The following DMD variants were observed in gnomAD, a reference collection of about 807,000 sequenced individuals.
DMD encodes the protein dystrophin, also known as mutant dystrophin.
Under a neutral mutation model 330.1 loss-of-function variants are expected in DMD, and 63 were observed. That is an observed-to-expected ratio of 0.19 (90% CI 0.16 to 0.24). The LOEUF (loss-of-function observed/expected upper bound fraction) is 0.24, where lower values mean the gene tolerates loss of function less well. Among genes scored for constraint, DMD ranks in the 10% least tolerant of loss-of-function variants. DMD has a pLI of 1.00. For missense variants in DMD, 3,344 were observed against 2,684.1 expected, an observed-to-expected ratio of 1.25 and a Z score of -5.43; for synonymous variants, 1,223 against 959.8, an observed-to-expected ratio of 1.27 and a Z score of -5.07.
At chrX:32,215,370 A>C (rs1015457425) in intron 44 of DMD, among the ~76,000 whole-genome samples, 1 of 111,433 alleles carries the variant, frequency 9.0e-6, no homozygotes, top group African/African-American at 3.3e-5. Context: ...AACAAGAAAC[A>C]TGAAGAAAAC....
At chrX:31,328,790 T>TA (rs968502117) in intron 61 of DMD, among the ~76,000 whole-genome samples, 4 of 110,740 alleles carry the variant, frequency 3.6e-5, no homozygotes, top group African/African-American at 1.3e-4. Context: ...ATAATGTTTG[T>TA]AATCACATAG....
At chrX:32,837,928 G>A (rs2079800072) in intron 4 of DMD, among the ~76,000 whole-genome samples, 1 of 111,475 alleles carries the variant, frequency 9.0e-6, no homozygotes, top group South Asian at 3.7e-4. Context: ...TGCTCTTCTT[G>A]CACATCCAAC....
intron 1 of DMD, among the ~76,000 whole-genome samples, chrX:33,111,709 G>A (rs1015260263): frequency 9.0e-6 from 1 of 110,978 alleles, no homozygotes; most frequent in Non-Finnish European, 1.9e-5. Flanking sequence ...GGGGTTCAAG[G>A]GATTCTCCTG....
intron 60 of DMD, among the ~76,000 whole-genome samples, chrX:31,412,208 G>A (rs200021340): frequency 1.1e-4 from 8 of 75,327 alleles, no homozygotes; most frequent in African/African-American, 4.9e-4. Context: ...AAAAAAAAAA[G>A]AGAGAGAGAG....
intron 43 of DMD, among the ~76,000 whole-genome samples, chrX:32,263,158 C>T (rs331354): frequency 0.36 from 40,170 of 110,723 alleles, 5,470 homozygotes; most frequent in Non-Finnish European, 0.4. Context: ...TGAAAATGTA[C>T]ATCAGTATTT....
At chrX:31,397,526 T>C in intron 60 of DMD, among the ~76,000 whole-genome samples, 1 of 112,552 alleles carries the variant, frequency 8.9e-6, no homozygotes, top group Non-Finnish European at 1.9e-5. Flanking sequence ...TCTCAAAAAT[T>C]GGCCAGTTAA....
rs575784544 is a variant in DMD at position 31,725,386 on chromosome X, GGGT to G, written c.7660+4242_7660+4244del. 2.3e-4 allele frequency among the ~76,000 whole-genome samples: 26 copies of G among 110,872 alleles called. No individual in the cohort carries two copies. The South Asian group carries it at 0.01, about 43-fold the overall frequency. ...TCGGTCTTTTAAATCTCTCCTTTTG[GGGT>G]GGTGGTGGGGGGCGAAATAACTAAA... is the stretch of plus-strand genomic sequence containing the variant. On this transcript the variant is annotated intron_variant, in intron 52 of 78. Transcript: ENST00000357033.
intron 21 of DMD, among the ~76,000 whole-genome samples, chrX:32,481,648 A>C (rs2148555133): frequency 9.0e-6 from 1 of 111,218 alleles, no homozygotes; most frequent in African/African-American, 3.3e-5. Flanking sequence ...ATTTCTCCTA[A>C]TGTCCTTTCT....
intron 50 of DMD, among the ~76,000 whole-genome samples, chrX:31,793,139 T>C (rs774922355): frequency 8.1e-5 from 9 of 111,136 alleles, no homozygotes; most frequent in Non-Finnish European, 1.1e-4. Flanking sequence ...GCTGCTTCTC[T>C]CTGATGTCCA....
chrX:32,831,469 C>T (rs1482470527), intron 4 of DMD, among the ~76,000 whole-genome samples: 1 of 110,410 alleles, frequency 9.1e-6, no homozygotes, highest in Non-Finnish European at 1.9e-5. Flanking sequence ...GAATAGCAGA[C>T]TAGGGTTCAT....
At chrX:32,800,226 A>T (rs890651311) in intron 7 of DMD, among the ~76,000 whole-genome samples, 6 of 112,191 alleles carry the variant, frequency 5.3e-5, no homozygotes, top group African/African-American at 1.9e-4. Context: ...ATCTGGTTAA[A>T]TAAAAATATG....
intron 44 of DMD, among the ~76,000 whole-genome samples, chrX:32,156,278 G>T (rs1425712183): frequency 4.5e-5 from 5 of 111,800 alleles, no homozygotes; most frequent in Non-Finnish European, 7.5e-5. Flanking sequence ...TACTCGGGAG[G>T]CTGAGGTAGG....
intron 4 of DMD, among the ~76,000 whole-genome samples, chrX:32,834,454 CCT>C (rs1261901973): frequency 9.0e-6 from 1 of 111,467 alleles, no homozygotes; most frequent in African/African-American, 3.2e-5. Context: ...ATTTTAGAAT[CCT>C]CTTTATCTAA....
chrX:32,258,900 G>C (rs1282327072), intron 43 of DMD, among the ~76,000 whole-genome samples: 3 of 111,153 alleles, frequency 2.7e-5, no homozygotes, highest in African/African-American at 9.8e-5. Flanking sequence ...AACTTAAATA[G>C]AAAAATAAAT....
chrX:31,356,566 G>C (rs1569531891), intron 60 of DMD, among the ~76,000 whole-genome samples: 2 of 99,933 alleles, frequency 2.0e-5, no homozygotes, highest in African/African-American at 3.3e-5. Flanking sequence ...CTCTAATTCT[G>C]ATGAACTCTG....
chrX:31,324,818 T>C (rs2056661753), intron 61 of DMD, among the ~76,000 whole-genome samples: 1 of 111,464 alleles, frequency 9.0e-6, no homozygotes, highest in Non-Finnish European at 1.9e-5. Context: ...AAAGCTAATA[T>C]ATCCTCGACT....
intron 49 of DMD, among the ~76,000 whole-genome samples, chrX:31,836,357 A>C (rs989916244): frequency 1.8e-5 from 2 of 112,313 alleles, no homozygotes; most frequent in African/African-American, 6.5e-5. Flanking sequence ...ACTATGATGC[A>C]GTAGCTTGAT....
chrX:32,322,255 G>A (rs185492589), intron 41 of DMD, among the ~76,000 whole-genome samples: 206 of 111,428 alleles, frequency 1.8e-3, no homozygotes, highest in Middle Eastern at 9.3e-3. Flanking sequence ...TATTTAAAAC[G>A]TTACCCAAGT....
chrX:32,981,124 T>C (rs190453193), intron 2 of DMD, among the ~76,000 whole-genome samples: 1 of 111,903 alleles, frequency 8.9e-6, no homozygotes, highest in Admixed American at 9.5e-5. Context: ...CTCTCCACAA[T>C]TGGATATTTG....
Sources: gnomAD v4.1 joint callset for allele counts (sites outside exome capture counted in the v4.1 genomes callset) on GRCh38, gnomAD v4.1.1 for gene constraint, MANE v1.5 for transcripts, NCBI Gene and HGNC (gene_info 2026-07-23, HGNC 2026-07-21) for gene names.